Variants in NLGN4X observed in about 807,000 individuals in gnomAD.
NLGN4X encodes the protein neuroligin 4 X-linked, also known as neuroligin-4, X-linked.
A neutral mutation model predicts 40.3 loss-of-function variants in NLGN4X; 3 were observed. The ratio of observed to expected loss-of-function variants is 0.07; its 90% CI spans 0.03 to 0.19. The LOEUF (loss-of-function observed/expected upper bound fraction) is 0.19. NLGN4X is among the 10% of genes least tolerant of loss of function. NLGN4X has a pLI of 1.00. For missense variants in NLGN4X, 382 were observed against 708.3 expected (o/e 0.54, Z 5.23); for synonymous variants, 270 against 306.8 (o/e 0.88, Z 1.25).
At position 5,903,515 on chromosome X, in the gene NLGN4X, T is replaced by C; in HGVS notation, c.1163A>G (p.Asp388Gly). The change falls in exon 5 of 6, where the codon GAC (aspartate) becomes GGC (glycine). Residue 388 changes from aspartate to glycine, a missense_variant. This residue lies in a region of NLGN4X where 149 missense variants were observed against 375.8 expected (regional missense o/e 0.40). Coordinates refer to ENST00000381095, the MANE Select transcript of NLGN4X (RefSeq NM_181332.3). ...KFVDGIVDNE[D>G]GVTPNDFDFS... is the part of the protein sequence containing the mutation. ...GTCAAAGTCGTTGGGCGTCACACCGTCCTCGTTATCCACGATGCCGTCCAC... is the reference window on the plus strand; with the variant it reads ...GTCAAAGTCGTTGGGCGTCACACCGCCCTCGTTATCCACGATGCCGTCCAC... The C allele has an allele frequency of 8.3e-7, 1 of 1,208,893 alleles. No homozygotes were observed. Among genetic ancestry groups the C allele is most frequent in the Non-Finnish European group, 1.1e-6 (1 of 893,735 alleles).
At chrX:6,048,887 G>T (rs2037397618) in intron 2 of NLGN4X, among the ~76,000 whole-genome samples, 1 of 107,893 alleles carries the variant, frequency 9.3e-6, no homozygotes, top group East Asian at 3.0e-4. Context: ...AATAGCTAAT[G>T]GATGCGGGGC....
chrX:5,990,209 A>ACTGAAAAACATT (rs1459471892), intron 3 of NLGN4X, among the ~76,000 whole-genome samples: 7 of 110,912 alleles, frequency 6.3e-5, no homozygotes, highest in African/African-American at 2.3e-4. Context: ...ACTAAAAGCA[A>ACTGAAAAACATT]CTGAAAAACA....
chrX:5,919,366 G>T (rs1355644678), intron 3 of NLGN4X, among the ~76,000 whole-genome samples: 5 of 111,604 alleles, frequency 4.5e-5, no homozygotes, highest in African/African-American at 1.6e-4. Context: ...TTAGATACTT[G>T]AAGATACTCT....
intron 1 of NLGN4X, among the ~76,000 whole-genome samples, chrX:6,223,226 G>T (rs772982198): frequency 9.1e-6 from 1 of 110,067 alleles, no homozygotes; most frequent in South Asian, 4.0e-4. Flanking sequence ...TTCTCCTTCA[G>T]GTACCATTTC....
chrX:6,132,540 A>G (rs1251304430), intron 2 of NLGN4X, among the ~76,000 whole-genome samples: 2 of 111,473 alleles, frequency 1.8e-5, no homozygotes, highest in African/African-American at 6.5e-5. Context: ...GACAACCAAC[A>G]ATATCTCTAG....
intron 3 of NLGN4X, among the ~76,000 whole-genome samples, chrX:6,007,145 T>C (rs2036122809): frequency 8.9e-6 from 1 of 111,855 alleles, no homozygotes; most frequent in South Asian, 3.7e-4. Flanking sequence ...TAAAAAAGAA[T>C]GAAATTATGT....
intron 3 of NLGN4X, among the ~76,000 whole-genome samples, chrX:5,981,890 A>C (rs2035399970): frequency 8.9e-6 from 1 of 111,749 alleles, no homozygotes; most frequent in South Asian, 3.7e-4. Flanking sequence ...CAGACATACT[A>C]ATCAACAGCT....
Position 5,892,980 on chromosome X carries a change from G to A in NLGN4X, c.2288C>T (p.Thr763Met), listed in dbSNP as rs760718761. ...GATGTCATCTGGCGACCGGCGCAGC[G>A]TGAGGGTGTAGTCTGGCGGGCAGGT... is the stretch of plus-strand genomic sequence containing the variant. ...RLTCPPDYTL[T>M]LRRSPDDIPL... is the part of the protein sequence containing the mutation. Residue 763 changes from threonine (T) to methionine (M), a missense_variant, in exon 6 of 6, where the codon ACG (threonine) becomes ATG (methionine). By Grantham distance (81) the Thr-to-Met change is moderately conservative. Around this residue, in one of 5 missense-constraint regions of NLGN4X, gnomAD observed 57 missense variants for 65.6 expected, o/e 0.87. Coordinates refer to ENST00000381095, the MANE Select transcript of NLGN4X (RefSeq NM_181332.3). 2.8e-5 allele frequency: 34 copies of A among 1,209,522 alleles called. No individual in the cohort carries two copies. The highest frequency in any genetic ancestry group is 5.9e-5 in the East Asian group (2 of 33,733).
chrX:6,128,438 C>T (rs1307748818), intron 2 of NLGN4X, among the ~76,000 whole-genome samples: 2 of 112,012 alleles, frequency 1.8e-5, no homozygotes, highest in Non-Finnish European at 3.8e-5. Context: ...TCTGAATATT[C>T]CTCCATATCA....
At chrX:6,035,795 T>C (rs2036987792) in intron 2 of NLGN4X, among the ~76,000 whole-genome samples, 1 of 111,744 alleles carries the variant, frequency 8.9e-6, no homozygotes, top group Non-Finnish European at 1.9e-5. Flanking sequence ...AGGATGAAGA[T>C]CTTTAAGAAG....
chrX:6,049,737 G>C (rs989621882), intron 2 of NLGN4X, among the ~76,000 whole-genome samples: 3 of 30,310 alleles, frequency 9.9e-5, no homozygotes, highest in African/African-American at 2.1e-4. Flanking sequence ...AAATGGGGGG[G>C]GGGGGCGGTC....
intron 1 of NLGN4X, among the ~76,000 whole-genome samples, chrX:6,189,763 A>G (rs888165327): frequency 1.8e-5 from 2 of 110,971 alleles, no homozygotes; most frequent in Non-Finnish European, 3.8e-5. Context: ...AATAATTACA[A>G]CCAATGCTGC....
intron 1 of NLGN4X, among the ~76,000 whole-genome samples, chrX:6,190,938 T>C (rs12851584): frequency 0.5 from 55,150 of 109,813 alleles, 10,346 homozygotes; most frequent in Non-Finnish European, 0.58. Flanking sequence ...GTGACCTTCA[T>C]CTGTGTTTGT....
chrX:6,227,348 C>G (rs1413480810), intron 1 of NLGN4X: 1 of 109,216 alleles, frequency 9.2e-6, no homozygotes, highest in African/African-American at 3.4e-5. Context: ...CCGACACCCT[C>G]GCTCCGAGAA....
At chrX:6,050,758 C>T (rs369870619) in intron 2 of NLGN4X, among the ~76,000 whole-genome samples, 1 of 93,488 alleles carries the variant, frequency 1.1e-5, no homozygotes, top group South Asian at 5.5e-4. Context: ...TCTATTCACC[C>T]ATGTCTGTCT....
intron 1 of NLGN4X, among the ~76,000 whole-genome samples, chrX:6,175,655 G>A (rs868101872): frequency 9.3e-3 from 563 of 60,276 alleles, no homozygotes; most frequent in Non-Finnish European, 0.011. Context: ...ATCTATTACA[G>A]AAAAAAAAAA....
intron 1 of NLGN4X, among the ~76,000 whole-genome samples, chrX:6,218,695 T>C (rs756541038): frequency 8.9e-6 from 1 of 112,216 alleles, no homozygotes; most frequent in East Asian, 2.8e-4. Flanking sequence ...AGTTCATATC[T>C]CCAAGTAGTC....
chrX:5,992,381 G>C (rs979745629), intron 3 of NLGN4X, among the ~76,000 whole-genome samples: 1 of 111,601 alleles, frequency 9.0e-6, no homozygotes, highest in Non-Finnish European at 1.9e-5. Flanking sequence ...TGAAGCAGGA[G>C]GACCGCTTGA....
intron 1 of NLGN4X, among the ~76,000 whole-genome samples, chrX:6,216,566 G>A (rs765478043): frequency 1.2e-4 from 14 of 112,428 alleles, no homozygotes; most frequent in African/African-American, 4.2e-4. Flanking sequence ...GGGCTGCACC[G>A]TCTGTGGTTT....
Sources: allele counts gnomAD v4.1 joint callset (sites outside exome capture counted in the v4.1 genomes callset), GRCh38; gene constraint gnomAD v4.1.1; regional missense constraint gnomAD v4.1.1; transcripts MANE v1.5; gene names NCBI Gene and HGNC (gene_info 2026-07-23, HGNC 2026-07-21).